Variants in EHMT1 observed in about 807,000 individuals in gnomAD.
EHMT1 encodes histone-lysine N-methyltransferase EHMT1.
Under a neutral mutation model 147.2 loss-of-function variants are expected in EHMT1, and 15 were observed. That is an observed-to-expected ratio of 0.10 (90% CI 0.07 to 0.16). The LOEUF is 0.16. EHMT1 is among the 10% of genes least tolerant of loss of function. The pLI is 1.00. For synonymous variants in EHMT1, 795 were observed against 709.6 expected, an observed-to-expected ratio of 1.12 and a Z score of -1.91; for missense variants, 1,587 against 1,772.4, an observed-to-expected ratio of 0.90 and a Z score of 1.88.
intron 23 of EHMT1, chr9:137,817,134 T>C: frequency 2.2e-6 from 1 of 463,998 alleles, no homozygotes; most frequent in South Asian, 2.1e-5. Context: ...CCTCTGCCCC[T>C]CACAGTGCCT....
intron 14 of EHMT1, among the ~76,000 whole-genome samples, chr9:137,781,331 G>A (rs576014681): frequency 1.5e-5 from 2 of 137,500 alleles, no homozygotes; most frequent in South Asian, 4.8e-4. Flanking sequence ...TGGTGATGAC[G>A]CTGAGACGTG....
chr9:137,718,790 C>T lies in EHMT1; in HGVS notation c.642+1608C>T, dbSNP rs1945628164. Among the ~76,000 whole-genome samples the T allele has an allele frequency of 2.1e-5, 3 of 144,692 alleles. No individual in the cohort carries two copies. In the South Asian group the frequency reaches 6.3e-4, roughly 31 times the overall value. The allele number at this position is 144,692 out of a possible 152,430, so 94.9% of individuals were successfully genotyped here. On this transcript the variant is annotated intron_variant, in intron 3 of 26. Transcript: ENST00000460843. ...TTTTTTTTTGAGACGGAGTCTTGCTCTGTCACCCAGGTTAGAGTGAAATGG... is the reference window on the plus strand; with the variant it reads ...TTTTTTTTTGAGACGGAGTCTTGCTTTGTCACCCAGGTTAGAGTGAAATGG...
At chr9:137,665,737 G>GA (rs1939569695) in intron 1 of EHMT1, among the ~76,000 whole-genome samples, 1 of 152,242 alleles carries the variant, frequency 6.6e-6, no homozygotes, top group Non-Finnish European at 1.5e-5. Flanking sequence ...GTTTTAGGGT[G>GA]AAAACAATAA....
At chr9:137,619,079 C>CA in intron 1 of EHMT1, 30 bp downstream of exon 1, 1 of 723,510 alleles carries the variant, frequency 1.4e-6, no homozygotes, top group Non-Finnish European at 1.7e-6. Context: ...GGGGGCGGCG[C>CA]GGGGGCGGCG....
rs150989051 is a variant in EHMT1, at chr9:137,727,208, C to T, written c.643-1141C>T. ...TGTTGCCCAGACTCATCTTGAACTC[C>T]TGGCCTCAAGTGATCTTTCCCCCTT... On this transcript the variant is annotated intron_variant, in intron 3 of 26. Coordinates refer to ENST00000460843, the MANE Select transcript of EHMT1 (RefSeq NM_024757.5). Among the ~76,000 whole-genome samples the T allele has an allele frequency of 2.1e-4, 32 of 152,300 alleles. No homozygotes were observed. In the East Asian group the frequency reaches 4.6e-3, roughly 22 times the overall value.
At chr9:137,704,559 T>C (rs1348478441) in intron 1 of EHMT1, among the ~76,000 whole-genome samples, 1 of 152,184 alleles carries the variant, frequency 6.6e-6, no homozygotes, top group Non-Finnish European at 1.5e-5. Flanking sequence ...CCTTGGGTCA[T>C]CCCTTGGCCA....
intron 24 of EHMT1, 175 bp downstream of exon 24, chr9:137,817,700 C>T: frequency 1.3e-6 from 1 of 773,644 alleles, no homozygotes; most frequent in South Asian, 1.7e-5. Context: ...TGTCCTCAGT[C>T]CTCTTGCTGC....
intron 15 of EHMT1, chr9:137,788,623 G>C (rs1045317133): frequency 4.6e-5 from 7 of 152,384 alleles, no homozygotes; most frequent in African/African-American, 1.7e-4. Flanking sequence ...GGTGTCTCTT[G>C]TCCCCTCGGG....
At chr9:137,833,906 A>G (rs1210307393) in intron 25 of EHMT1, among the ~76,000 whole-genome samples, 1 of 152,174 alleles carries the variant, frequency 6.6e-6, no homozygotes, top group Admixed American at 6.5e-5. Flanking sequence ...TCACCAAGAC[A>G]GTGTGTCCCG....
intron 1 of EHMT1, among the ~76,000 whole-genome samples, chr9:137,625,350 A>G (rs1435688449): frequency 2.6e-5 from 4 of 152,004 alleles, no homozygotes; most frequent in Non-Finnish European, 4.4e-5. Context: ...ACACCCTTTC[A>G]TTATAGGAGG....
chr9:137,807,778 G>A (rs1415327783), intron 18 of EHMT1, among the ~76,000 whole-genome samples: 2 of 152,302 alleles, frequency 1.3e-5, no homozygotes, highest in East Asian at 3.9e-4. Context: ...AAAGTGCTGG[G>A]ATTACAAGTG....
chr9:137,697,910 A>C (rs1457126078), intron 1 of EHMT1, among the ~76,000 whole-genome samples: 1 of 152,182 alleles, frequency 6.6e-6, no homozygotes, highest in Admixed American at 6.5e-5. Context: ...ATTCTGGTCC[A>C]AAGGGAGGAT....
rs77282835 is a variant in EHMT1 at position 137,721,694 on chromosome 9, C to T, written c.642+4512C>T. On this transcript the variant is annotated intron_variant, in intron 3 of 26. Transcript: ENST00000460843. ...GCTCATCCCCTTGCACATTGCTTTG[C>T]TGTCGGTGTGTCATCTTTGGTGAAA... Among the ~76,000 whole-genome samples the T allele has an allele frequency of 3.5e-3, 539 of 151,970 alleles. 1 individual carries two copies. The highest frequency in any genetic ancestry group is 0.012 in the African/African-American group (513 of 41,430).
chr9:137,790,025 C>T (rs1050411988), intron 15 of EHMT1, among the ~76,000 whole-genome samples: 6 of 152,232 alleles, frequency 3.9e-5, no homozygotes, highest in Admixed American at 1.3e-4. Context: ...CTGCCGTGCC[C>T]GGCCTCTCCA....
chr9:137,659,331 AT>A (rs1938819238), intron 1 of EHMT1, among the ~76,000 whole-genome samples: 1 of 151,120 alleles, frequency 6.6e-6, no homozygotes, highest in African/African-American at 2.4e-5. Context: ...TATATTCTTA[AT>A]TTTTTGTTGT....
intron 14 of EHMT1, among the ~76,000 whole-genome samples, chr9:137,781,333 T>C (rs368696786): frequency 0.052 from 5,761 of 110,374 alleles, 81 homozygotes; most frequent in Middle Eastern, 0.18. Flanking sequence ...GTGATGACGC[T>C]GAGACGTGTG....
rs774680250 is a variant in EHMT1 at position 137,815,931 on chromosome 9, G to A, written c.3259-16G>A. ...GAGTAACCTCTGCTGGGCCCTTGCT[G>A]CTCATCTGTCCACAGGATGGCCGGC... is the stretch of plus-strand genomic sequence containing the variant. On this transcript the variant is annotated splice_polypyrimidine_tract_variant and intron_variant, in intron 22 of 26. Coordinates refer to ENST00000460843, the MANE Select transcript of EHMT1 (RefSeq NM_024757.5). The A allele has an allele frequency of 1.3e-6, 2 of 1,587,920 alleles. No individual in the cohort carries two copies. Among genetic ancestry groups the A allele is most frequent in the Non-Finnish European group, 1.7e-6 (2 of 1,166,250 alleles).
rs1956537936 is a variant in EHMT1, at chr9:137,835,722, A to T, written c.*769A>T. The T allele has an allele frequency of 6.6e-6, 1 of 152,644 alleles. No homozygotes were observed. Among genetic ancestry groups the T allele is most frequent in the Non-Finnish European group, 1.5e-5 (1 of 68,056 alleles). 9.5% of individuals were successfully genotyped at this position (152,644 alleles called of 1,614,324 possible). A position where few individuals can be genotyped will look rare whatever the true frequency, so the allele number is the denominator to read the frequency against. On this transcript the variant is annotated 3_prime_UTR_variant, in exon 27 of 27. Coordinates refer to ENST00000460843, the MANE Select transcript of EHMT1 (RefSeq NM_024757.5). Reference sequence around the variant, plus strand: ...CTGAACATTAGGACAAACACAAAATAAAAAACAAAACACAGACAACGGTGC... The same window carrying T: ...CTGAACATTAGGACAAACACAAAATTAAAAACAAAACACAGACAACGGTGC...
intron 8 of EHMT1, among the ~76,000 whole-genome samples, chr9:137,757,255 G>T (rs1255819250): frequency 6.6e-6 from 1 of 152,248 alleles, no homozygotes; most frequent in Non-Finnish European, 1.5e-5. Flanking sequence ...CTCGCTGCCA[G>T]CCAGGGGACA....
Sources: gnomAD v4.1 joint callset for allele counts (sites outside exome capture counted in the v4.1 genomes callset) on GRCh38, gnomAD v4.1.1 for gene constraint, MANE v1.5 for transcripts, NCBI Gene and HGNC (gene_info 2026-07-23, HGNC 2026-07-21) for gene names.